Variants in GALNTL6 observed in about 807,000 individuals in gnomAD.
The protein encoded by GALNTL6 is polypeptide N-acetylgalactosaminyltransferase like 6, also known as polypeptide N-acetylgalactosaminyltransferase-like 6.
A neutral mutation model predicts 73.7 loss-of-function variants in GALNTL6; 46 were observed. The observed-to-expected ratio is 0.62, with a 90% CI of 0.49 to 0.80. The LOEUF (loss-of-function observed/expected upper bound fraction) is 0.80, where lower values mean the gene tolerates loss of function less well. Among genes scored for constraint, GALNTL6 ranks in the 30% least tolerant of loss-of-function variants. GALNTL6 has a pLI of 0.00. For synonymous variants in GALNTL6, 259 were observed against 263.7 expected (o/e 0.98, Z 0.17); for missense variants, 604 against 755.0 (o/e 0.80, Z 2.34).
intron 2 of GALNTL6, among the ~76,000 whole-genome samples, chr4:171,950,564 T>C (rs1169148276): frequency 1.3e-5 from 2 of 149,676 alleles, no homozygotes; most frequent in Admixed American, 6.8e-5. Context: ...CACTGCAACC[T>C]CTGCCCCCAG....
intron 10 of GALNTL6, among the ~76,000 whole-genome samples, chr4:172,972,303 A>G (rs1750617809): frequency 6.6e-6 from 1 of 152,162 alleles, no homozygotes; most frequent in Admixed American, 6.5e-5. Context: ...TAGATCTAAT[A>G]TACCTATCTA....
chr4:171,862,281 A>G (rs1006707512), intron 2 of GALNTL6, among the ~76,000 whole-genome samples: 3 of 152,134 alleles, frequency 2.0e-5, no homozygotes, highest in African/African-American at 7.2e-5. Context: ...TATGAATGAA[A>G]GTAATTTGTC....
At chr4:172,774,981 A>AATC (rs1446970384) in intron 5 of GALNTL6, among the ~76,000 whole-genome samples, 3 of 148,528 alleles carry the variant, frequency 2.0e-5, no homozygotes, top group South Asian at 4.3e-4. Context: ...TAATAATAAT[A>AATC]ATAATAATAA....
At chr4:172,843,909 A>G (rs1743349867) in intron 7 of GALNTL6, among the ~76,000 whole-genome samples, 1 of 151,968 alleles carries the variant, frequency 6.6e-6, no homozygotes, top group Non-Finnish European at 1.5e-5. Flanking sequence ...AAACACAAAA[A>G]TTAGCCAGGC....
At chr4:172,326,322 G>A (rs1291171952) in intron 4 of GALNTL6, among the ~76,000 whole-genome samples, 1 of 151,940 alleles carries the variant, frequency 6.6e-6, no homozygotes, top group African/African-American at 2.4e-5. Context: ...TACTGGATTT[G>A]TGAAATTATC....
At chr4:172,356,287 G>A (rs1167927996) in intron 5 of GALNTL6, among the ~76,000 whole-genome samples, 2 of 152,144 alleles carry the variant, frequency 1.3e-5, no homozygotes, top group African/African-American at 2.4e-5. Flanking sequence ...ATCTTGGGCA[G>A]GCATAACTTT....
intron 3 of GALNTL6, among the ~76,000 whole-genome samples, chr4:172,267,473 A>G (rs969666499): frequency 2.0e-5 from 3 of 152,126 alleles, no homozygotes; most frequent in African/African-American, 7.2e-5. Flanking sequence ...TGGTTCTTTT[A>G]GGACTCTGGA....
intron 5 of GALNTL6, among the ~76,000 whole-genome samples, chr4:172,402,382 ATCTC>A (rs1298835881): frequency 6.6e-5 from 10 of 152,108 alleles, no homozygotes; most frequent in Admixed American, 3.9e-4. Context: ...ACATGAAGAA[ATCTC>A]TCAATGAGGT....
At chr4:172,782,602 C>T (rs539111755) in intron 5 of GALNTL6, among the ~76,000 whole-genome samples, 1 of 152,192 alleles carries the variant, frequency 6.6e-6, no homozygotes, top group South Asian at 2.1e-4. Flanking sequence ...TCCCCCAACC[C>T]CCACCAATTT....
chr4:172,344,774 A>G (rs138700228), intron 4 of GALNTL6, among the ~76,000 whole-genome samples: 1 of 152,260 alleles, frequency 6.6e-6, no homozygotes, highest in East Asian at 1.9e-4. Context: ...TGTGCCATCT[A>G]TTATGTCACT....
At chr4:172,928,100 T>A (rs575572101) in intron 8 of GALNTL6, among the ~76,000 whole-genome samples, 1 of 152,294 alleles carries the variant, frequency 6.6e-6, no homozygotes, top group Admixed American at 6.5e-5. Context: ...CCACTGCCAG[T>A]TTTGGTAAGC....
At chr4:172,177,699 A>AAT (rs1173012845) in intron 2 of GALNTL6, among the ~76,000 whole-genome samples, 1 of 141,584 alleles carries the variant, frequency 7.1e-6, no homozygotes, top group Non-Finnish European at 1.6e-5. Flanking sequence ...AACTAATAGT[A>AAT]ATATATATGT....
intron 5 of GALNTL6, among the ~76,000 whole-genome samples, chr4:172,455,440 G>A (rs1287591904): frequency 2.0e-5 from 3 of 152,142 alleles, no homozygotes; most frequent in Non-Finnish European, 4.4e-5. Flanking sequence ...ATGGAGCCCA[G>A]CAAGCTAAGA....
At chr4:172,134,694 A>T (rs913325958) in intron 2 of GALNTL6, among the ~76,000 whole-genome samples, 2 of 152,238 alleles carry the variant, frequency 1.3e-5, no homozygotes, top group African/African-American at 4.8e-5. Flanking sequence ...CATCAACTGT[A>T]TTAGTCAAGA....
At chr4:173,034,767 C>A (rs1267729268) in intron 12 of GALNTL6, among the ~76,000 whole-genome samples, 1 of 152,128 alleles carries the variant, frequency 6.6e-6, no homozygotes, top group Non-Finnish European at 1.5e-5. Context: ...TTTTTCATGT[C>A]ACCTCTGAAC....
intron 8 of GALNTL6, among the ~76,000 whole-genome samples, chr4:172,886,482 T>C (rs969469546): frequency 2.6e-5 from 4 of 152,144 alleles, no homozygotes; most frequent in Admixed American, 1.3e-4. Context: ...GTTTAAAAAA[T>C]TGGCTGGACG....
chr4:172,956,461 T>C (rs1749757971), intron 10 of GALNTL6, among the ~76,000 whole-genome samples: 1 of 152,164 alleles, frequency 6.6e-6, no homozygotes. Context: ...CAAAGATTAT[T>C]TATTTACTTT....
At chr4:172,556,932 G>A (rs1476185843) in intron 5 of GALNTL6, among the ~76,000 whole-genome samples, 1 of 152,062 alleles carries the variant, frequency 6.6e-6, no homozygotes, top group Non-Finnish European at 1.5e-5. Flanking sequence ...TAGACTATTA[G>A]GAAGTAGAAT....
chr4:172,180,368 T>G (rs139931610), intron 2 of GALNTL6, among the ~76,000 whole-genome samples: 1 of 152,148 alleles, frequency 6.6e-6, no homozygotes, highest in Non-Finnish European at 1.5e-5. Flanking sequence ...ATGGATAGAT[T>G]GCAAAAATTT....
Sources: gnomAD v4.1 joint callset for allele counts (sites outside exome capture counted in the v4.1 genomes callset) on GRCh38, gnomAD v4.1.1 for gene constraint, MANE v1.5 for transcripts, NCBI Gene and HGNC (gene_info 2026-07-23, HGNC 2026-07-21) for gene names.